GPR158: variants seen among roughly 807,000 people sequenced by gnomAD.
GPR158 encodes the protein G protein-coupled receptor 158, also known as metabotropic glycine receptor.
A neutral mutation model predicts 78.2 loss-of-function variants in GPR158; 30 were observed. That is an observed-to-expected ratio of 0.38 (90% CI 0.29 to 0.52). The LOEUF is 0.52. Among genes scored for constraint, GPR158 ranks in the 20% least tolerant of loss-of-function variants. The probability of loss-of-function intolerance (pLI) is 0.83; values close to 1 mark genes in which losing one functional copy is unlikely to be tolerated. For missense variants in GPR158, 1,463 were observed against 1,523.5 expected (o/e 0.96, Z 0.66); for synonymous variants, 581 against 591.1 (o/e 0.98, Z 0.25).
intron 3 of GPR158, among the ~76,000 whole-genome samples, chr10:25,406,500 T>A (rs1171140442): frequency 6.6e-6 from 1 of 152,174 alleles, no homozygotes; most frequent in Non-Finnish European, 1.5e-5. Flanking sequence ...GATTTCAGTT[T>A]AAAAGAGTTT....
At chr10:25,450,317 C>G (rs954741958) in intron 4 of GPR158, among the ~76,000 whole-genome samples, 1 of 150,958 alleles carries the variant, frequency 6.6e-6, no homozygotes, top group Non-Finnish European at 1.5e-5. Context: ...CAAGCCGGGG[C>G]TGTTCTGTGC....
chr10:25,268,656 G>A (rs952518632), intron 2 of GPR158, among the ~76,000 whole-genome samples: 8 of 152,186 alleles, frequency 5.3e-5, no homozygotes, highest in South Asian at 2.1e-4. Context: ...AGAATACCAC[G>A]AAAATAGTTT....
At chr10:25,240,099 T>C (rs1424684169) in intron 2 of GPR158, among the ~76,000 whole-genome samples, 1 of 152,204 alleles carries the variant, frequency 6.6e-6, no homozygotes, top group Non-Finnish European at 1.5e-5. Flanking sequence ...ATTAATCTAG[T>C]CATTTCAGTC....
intron 5 of GPR158, among the ~76,000 whole-genome samples, chr10:25,503,205 CAAA>C (rs5783937): frequency 4.5e-4 from 62 of 138,398 alleles, no homozygotes; most frequent in Admixed American, 5.8e-4. Context: ...GACCTCATTG[CAAA>C]AAAAAAAAAA....
At chr10:25,245,062 ATTC>A (rs1490787313) in intron 2 of GPR158, among the ~76,000 whole-genome samples, 10 of 152,198 alleles carry the variant, frequency 6.6e-5, no homozygotes, top group Non-Finnish European at 1.5e-4. Flanking sequence ...TTGCTTCAGA[ATTC>A]TTCTTATTCC....
chr10:25,497,204 C>T (rs1835893750), intron 5 of GPR158, among the ~76,000 whole-genome samples: 1 of 152,068 alleles, frequency 6.6e-6, no homozygotes, highest in Admixed American at 6.6e-5. Context: ...CTAATGTTTC[C>T]CAAATTGGAC....
At chr10:25,434,797 TC>T (rs1047962910) in intron 4 of GPR158, among the ~76,000 whole-genome samples, 1 of 152,174 alleles carries the variant, frequency 6.6e-6, no homozygotes, top group Non-Finnish European at 1.5e-5. Context: ...GTCAGTGTTC[TC>T]CTCTGTATAA....
rs1835427525 is a variant in GPR158, at chr10:25,466,635, TA to T, written c.1336-15del. Reference sequence around the variant, plus strand: ...AAATGTAAGTTAGTAATGACGTTTTTATTTTGTTTTTTCAGAGCATCCGGGC... The same window carrying T: ...AAATGTAAGTTAGTAATGACGTTTTTTTTTGTTTTTTCAGAGCATCCGGGC... On this transcript the variant is annotated splice_polypyrimidine_tract_variant and intron_variant, in intron 4 of 10. Coordinates refer to ENST00000376351, the MANE Select transcript of GPR158 (RefSeq NM_020752.3). 6.3e-7 allele frequency: 1 copy of T among 1,577,390 alleles called. No homozygotes were observed. Among genetic ancestry groups the T allele is most frequent in the Non-Finnish European group, 8.7e-7 (1 of 1,155,262 alleles).
At chr10:25,361,419 G>T (rs1855639198) in intron 2 of GPR158, among the ~76,000 whole-genome samples, 2 of 151,868 alleles carry the variant, frequency 1.3e-5, no homozygotes, top group Admixed American at 1.3e-4. Context: ...ATCTCTCAGA[G>T]ATCCTGCTTT....
intron 2 of GPR158, among the ~76,000 whole-genome samples, chr10:25,379,766 T>G (rs1452326195): frequency 2.0e-5 from 3 of 146,972 alleles, no homozygotes; most frequent in Non-Finnish European, 4.5e-5. Flanking sequence ...GTGCCAAAAC[T>G]TAGGTGGCAT....
chr10:25,320,315 G>A (rs541029790), intron 2 of GPR158, among the ~76,000 whole-genome samples: 1 of 152,212 alleles, frequency 6.6e-6, no homozygotes, highest in South Asian at 2.1e-4. Context: ...GTGACTCAGA[G>A]GACAAAATGG....
At position 25,577,100 on chromosome 10, in the gene GPR158, T is replaced by G. The variant is rs140400312; in HGVS notation, c.1753+4213T>G. Among the ~76,000 whole-genome samples the G allele has an allele frequency of 3.9e-4, 60 of 152,342 alleles. No individual in the cohort carries two copies. In the East Asian group the frequency reaches 0.011, roughly 28 times the overall value. ...ACACTATCCTAATAAAAGTTTTCAT[T>G]TATTTCTCTTTCAGCATGCAGCATC... On this transcript the variant is annotated intron_variant, in intron 7 of 10. Transcript: ENST00000376351.
chr10:25,267,374 T>C (rs777743788), intron 2 of GPR158, among the ~76,000 whole-genome samples: 9 of 152,050 alleles, frequency 5.9e-5, no homozygotes, highest in Non-Finnish European at 1.0e-4. Context: ...AAGGGGAGGC[T>C]CATCAGATCT....
chr10:25,183,497 A>G (rs1336549625), intron 1 of GPR158, among the ~76,000 whole-genome samples: 1 of 152,184 alleles, frequency 6.6e-6, no homozygotes, highest in Admixed American at 6.5e-5. Context: ...TATTTTTCCA[A>G]ACAAAAATCC....
At chr10:25,362,661 C>T (rs898441257) in intron 2 of GPR158, among the ~76,000 whole-genome samples, 12 of 151,978 alleles carry the variant, frequency 7.9e-5, no homozygotes, top group African/African-American at 2.4e-4. Context: ...AAATCTTTAA[C>T]TTCCTTGATT....
intron 5 of GPR158, among the ~76,000 whole-genome samples, chr10:25,542,350 G>A (rs1232253028): frequency 6.6e-6 from 1 of 152,096 alleles, no homozygotes; most frequent in African/African-American, 2.4e-5. Flanking sequence ...TCACACCTTT[G>A]ACTCTCAGAG....
intron 5 of GPR158, among the ~76,000 whole-genome samples, chr10:25,489,186 C>T (rs933521016): frequency 6.6e-6 from 1 of 152,126 alleles, no homozygotes; most frequent in Admixed American, 6.6e-5. Flanking sequence ...TAAACACCTA[C>T]TGAAATTTCT....
intron 2 of GPR158, among the ~76,000 whole-genome samples, chr10:25,262,386 A>G (rs924005254): frequency 5.9e-5 from 9 of 152,198 alleles, no homozygotes; most frequent in Admixed American, 1.3e-4. Flanking sequence ...ATTGCAATAC[A>G]CTTTGGAAGA....
intron 2 of GPR158, among the ~76,000 whole-genome samples, chr10:25,348,317 T>C (rs2130515282): frequency 6.6e-6 from 1 of 151,026 alleles, no homozygotes; most frequent in Non-Finnish European, 1.5e-5. Flanking sequence ...CACAAATGCA[T>C]ACAGACAATA....
Sources: allele counts gnomAD v4.1 joint callset (sites outside exome capture counted in the v4.1 genomes callset), GRCh38; gene constraint gnomAD v4.1.1; transcripts MANE v1.5; gene names NCBI Gene and HGNC (gene_info 2026-07-23, HGNC 2026-07-21).